KCNQ1: variants seen among roughly 807,000 people sequenced by gnomAD.
KCNQ1 encodes potassium voltage-gated channel subfamily Q member 1.
In KCNQ1, 49 loss-of-function variants were observed where a neutral mutation model predicts 72.4. The observed-to-expected ratio is 0.68, with a 90% CI of 0.54 to 0.86. The LOEUF is 0.86. Among genes scored for constraint, KCNQ1 ranks in the 40% least tolerant of loss-of-function variants. KCNQ1 has a pLI of 0.00. For synonymous variants in KCNQ1, 450 were observed against 412.6 expected (o/e 1.09, Z -1.10); for missense variants, 790 against 945.1 (o/e 0.84, Z 2.15).
At position 2,712,953 on chromosome 11, in the gene KCNQ1, T is replaced by C. The variant is rs1182969724; in HGVS notation, c.1514+50872T>C. Among the ~76,000 whole-genome samples, 1 of 152,024 alleles carries C rather than the reference T, an allele frequency of 6.6e-6. No individual in the cohort carries two copies. Among genetic ancestry groups the C allele is most frequent in the African/African-American group, 2.4e-5 (1 of 41,386 alleles). ...AGCTCCCTGGAAGACACCCGGGTTGTAAACAGGGTGGGGCAGGGGTCCTGG... is the reference window on the plus strand; with the variant it reads ...AGCTCCCTGGAAGACACCCGGGTTGCAAACAGGGTGGGGCAGGGGTCCTGG... On this transcript the variant is annotated intron_variant, in intron 11 of 15. Coordinates refer to ENST00000155840, the MANE Select transcript of KCNQ1 (RefSeq NM_000218.3). The surrounding 1 kb of genome is among the most constrained non-coding windows in gnomAD (Gnocchi z 6.4).
intron 4 of KCNQ1, among the ~76,000 whole-genome samples, chr11:2,571,655 C>A (rs1483737247): frequency 2.0e-5 from 3 of 152,118 alleles, no homozygotes; most frequent in South Asian, 2.1e-4. Context: ...CGCCTCTGAA[C>A]TTCCAGGACT....
chr11:2,728,836 A>T (rs959365632), intron 11 of KCNQ1, among the ~76,000 whole-genome samples: 2 of 152,320 alleles, frequency 1.3e-5, no homozygotes, highest in East Asian at 1.9e-4. Flanking sequence ...GCCGCAGTGG[A>T]TGCTGCTGAA....
At chr11:2,560,098 C>T (rs1015272073) in intron 2 of KCNQ1, among the ~76,000 whole-genome samples, 2 of 121,088 alleles carry the variant, frequency 1.7e-5, no homozygotes, top group African/African-American at 3.3e-5. Context: ...GGGGCCGTGA[C>T]ATCCGGTCAG....
chr11:2,717,736 G>A (rs777804056), intron 11 of KCNQ1, among the ~76,000 whole-genome samples: 2 of 152,304 alleles, frequency 1.3e-5, no homozygotes, highest in East Asian at 1.9e-4. Flanking sequence ...AGGAGGTGCC[G>A]CAGGGCAGCA....
rs1849603150 is a variant in KCNQ1, at chr11:2,642,973, C to T, written c.1394-18988C>T. 2 of 397,656 alleles carry T rather than the reference C, an allele frequency of 5.0e-6. No homozygotes were observed. Among genetic ancestry groups the T allele is most frequent in the Non-Finnish European group, 8.9e-6 (2 of 225,640 alleles). The allele number at this position is 397,656 out of a possible 1,614,324, so 24.6% of individuals were successfully genotyped here. On this transcript the variant is annotated intron_variant, in intron 10 of 15. Coordinates refer to ENST00000155840, the MANE Select transcript of KCNQ1 (RefSeq NM_000218.3). The surrounding 1 kb of genome is among the most constrained non-coding windows in gnomAD (Gnocchi z 4.3). ...CCATTTATTTATACAGTTTTGAATG[C>T]TCCTCTTATTTATTTATAGTTTTAT...
At chr11:2,763,046 A>T (rs563676359) in intron 11 of KCNQ1, among the ~76,000 whole-genome samples, 6 of 152,194 alleles carry the variant, frequency 3.9e-5, no homozygotes, top group Non-Finnish European at 8.8e-5. Flanking sequence ...TTTTAGAATC[A>T]CCTTGTCGGT....
intron 11 of KCNQ1, among the ~76,000 whole-genome samples, chr11:2,701,548 G>A (rs1276940486): frequency 6.6e-6 from 1 of 152,150 alleles, no homozygotes; most frequent in African/African-American, 2.4e-5. Context: ...CCAGACTCAG[G>A]GTTTCACGCT....
Position 2,683,413 on chromosome 11 carries a change from C to A in KCNQ1, c.1514+21332C>A, listed in dbSNP as rs902322193. 5.0e-6 allele frequency: 2 copies of A among 398,524 alleles called. No individual in the cohort carries two copies. Among genetic ancestry groups the A allele is most frequent in the African/African-American group, 2.1e-5 (1 of 48,642 alleles). The allele number at this position is 398,524 out of a possible 1,614,324, so 24.7% of individuals were successfully genotyped here. ...CTGGGTGGTTTGTCCAATGGCTAAG[C>A]TTTCCCCAGGAATGGGTAACTGGAA... On this transcript the variant is annotated intron_variant, in intron 11 of 15. Coordinates refer to ENST00000155840, the MANE Select transcript of KCNQ1 (RefSeq NM_000218.3). The surrounding 1 kb of genome is among the most constrained non-coding windows in gnomAD (Gnocchi z 4.7).
chr11:2,628,000 C>T lies in KCNQ1; in HGVS notation c.1394-33961C>T, dbSNP rs1219205424. ...CTCCTGTGTTCAAGCTATCCTTCAC[C>T]TTGGCCACCCCCAAGTACTGGGATT... On this transcript the variant is annotated intron_variant, in intron 10 of 15. Coordinates refer to ENST00000155840, the MANE Select transcript of KCNQ1 (RefSeq NM_000218.3). The surrounding 1 kb of genome is among the most constrained non-coding windows in gnomAD (Gnocchi z 4.9). 1.5e-5 allele frequency: 6 copies of T among 398,520 alleles called. No individual in the cohort carries two copies. The East Asian group carries it at 2.1e-4, about 14-fold the overall frequency. The allele number at this position is 398,520 out of a possible 1,614,324, so 24.7% of individuals were successfully genotyped here.
chr11:2,527,855 C>A (rs886447885), intron 1 of KCNQ1, 73 bp from the exon 2 acceptor site: 3 of 1,381,272 alleles, frequency 2.2e-6, no homozygotes, highest in African/African-American at 2.9e-5. Flanking sequence ...GGCCAGGGGC[C>A]CCTCCACTCC....
intron 11 of KCNQ1, among the ~76,000 whole-genome samples, chr11:2,760,466 G>A (rs760465695): frequency 1.3e-5 from 2 of 152,188 alleles, no homozygotes; most frequent in Non-Finnish European, 2.9e-5. Context: ...TGAATGAAGC[G>A]GGTCTTTTCT....
rs140229398 is a variant in KCNQ1, at chr11:2,486,319, C to G, written c.386+40835C>G. ...TTCTTTGGAGAATATCTCCTCAGCT[C>G]TTTTGCCCACTTCATTAAATTGAGA... On this transcript the variant is annotated intron_variant, in intron 1 of 15. Transcript: ENST00000155840. This position sits in a 1 kb window ranked among gnomAD's most constrained non-coding sequence, Gnocchi z 5.0. 1.3e-5 allele frequency among the ~76,000 whole-genome samples: 2 copies of G among 152,288 alleles called. No homozygotes were observed. Among genetic ancestry groups the G allele is most frequent in the African/African-American group, 4.8e-5 (2 of 41,562 alleles).
rs904548869 is a variant in KCNQ1 at position 2,647,847 on chromosome 11, T to C, written c.1394-14114T>C. On this transcript the variant is annotated intron_variant, in intron 10 of 15. Coordinates refer to ENST00000155840, the MANE Select transcript of KCNQ1 (RefSeq NM_000218.3). This position sits in a 1 kb window ranked among gnomAD's most constrained non-coding sequence, Gnocchi z 4.0. Reference sequence around the variant, plus strand: ...TGGTGTCCATTGTAAGTCTCCTTTTTCATTTCTGATTTTATTTATTGGGTC... The same window carrying C: ...TGGTGTCCATTGTAAGTCTCCTTTTCCATTTCTGATTTTATTTATTGGGTC... 5 of 398,472 alleles carry C rather than the reference T, an allele frequency of 1.3e-5. No homozygotes were observed. The highest frequency in any genetic ancestry group is 3.6e-5 in the East Asian group (1 of 28,096). 24.7% of individuals were successfully genotyped at this position (398,472 alleles called of 1,614,324 possible). A position where few individuals can be genotyped will look rare whatever the true frequency, so the allele number is the denominator to read the frequency against.
Position 2,622,261 on chromosome 11 carries a change from C to T in KCNQ1, c.1393+33407C>T, listed in dbSNP as rs1272275459. ...TTTGGTGTGTATACGTTTCCAATTGCGAAGTCTTGAGTAATTTTCCATTTT... is the reference window on the plus strand; with the variant it reads ...TTTGGTGTGTATACGTTTCCAATTGTGAAGTCTTGAGTAATTTTCCATTTT... On this transcript the variant is annotated intron_variant, in intron 10 of 15. Transcript: ENST00000155840. 21 of 398,160 alleles carry T rather than the reference C, an allele frequency of 5.3e-5. No individual in the cohort carries two copies. The Middle Eastern group carries it at 2.5e-3, about 47-fold the overall frequency. 24.7% of individuals were successfully genotyped at this position (398,160 alleles called of 1,614,324 possible).
At position 2,703,036 on chromosome 11, in the gene KCNQ1, A is replaced by G. The variant is rs994584990; in HGVS notation, c.1514+40955A>G. On this transcript the variant is annotated intron_variant, in intron 11 of 15. Coordinates refer to ENST00000155840, the MANE Select transcript of KCNQ1 (RefSeq NM_000218.3). This position sits in a 1 kb window ranked among gnomAD's most constrained non-coding sequence, Gnocchi z 6.4. ...GAGGGGTTTGTTGTCTCGTCGGGCG[A>G]CAAGAGACACGTGGGAATTGGCTAG... 2.0e-5 allele frequency among the ~76,000 whole-genome samples: 3 copies of G among 152,096 alleles called. No homozygotes were observed. Among genetic ancestry groups the G allele is most frequent in the Non-Finnish European group, 4.4e-5 (3 of 68,032 alleles).
rs182967998 is a variant in KCNQ1, at chr11:2,772,135, C to T, written c.1590+3216C>T. On this transcript the variant is annotated intron_variant, in intron 12 of 15. Coordinates refer to ENST00000155840, the MANE Select transcript of KCNQ1 (RefSeq NM_000218.3). This position sits in a 1 kb window ranked among gnomAD's most constrained non-coding sequence, Gnocchi z 6.6. ...GGCCAGGGTGAGGGGAGCAGTAGCC[C>T]GTGGCAGTGAGGAGCTGTGTGTGGC... is the stretch of plus-strand genomic sequence containing the variant. Among the ~76,000 whole-genome samples the T allele has an allele frequency of 6.6e-6, 1 of 152,088 alleles. No homozygotes were observed. Among genetic ancestry groups the T allele is most frequent in the Non-Finnish European group, 1.5e-5 (1 of 67,992 alleles).
rs536371042 is a variant in KCNQ1, at chr11:2,790,232, G to A, written c.1794+12195G>A. Among the ~76,000 whole-genome samples the A allele has an allele frequency of 4.1e-3, 628 of 152,214 alleles. 5 individuals are homozygous for A. The highest frequency in any genetic ancestry group is 0.014 in the African/African-American group (584 of 41,508). On this transcript the variant is annotated intron_variant, in intron 15 of 15. Coordinates refer to ENST00000155840, the MANE Select transcript of KCNQ1 (RefSeq NM_000218.3). Reference sequence around the variant, plus strand: ...GAGAAGCCTGTCTGATGTGGCTCCCGTCCTCCTCTGCTGGGGTTGTCTACA... The same window carrying A: ...GAGAAGCCTGTCTGATGTGGCTCCCATCCTCCTCTGCTGGGGTTGTCTACA...
At position 2,447,297 on chromosome 11, in the gene KCNQ1, C is replaced by T. The variant is rs1456126521; in HGVS notation, c.386+1813C>T. Reference sequence around the variant, plus strand: ...CAGGGGTGGCTTCTGGGGACAGGGGCAGGATGGCTTCTGTGAAGGGGTGGC... The same window carrying T: ...CAGGGGTGGCTTCTGGGGACAGGGGTAGGATGGCTTCTGTGAAGGGGTGGC... On this transcript the variant is annotated intron_variant, in intron 1 of 15. Transcript: ENST00000155840. This position sits in a 1 kb window ranked among gnomAD's most constrained non-coding sequence, Gnocchi z 7.6. Among the ~76,000 whole-genome samples, 1 of 152,094 alleles carries T rather than the reference C, an allele frequency of 6.6e-6. No homozygotes were observed. Among genetic ancestry groups the T allele is most frequent in the Non-Finnish European group, 1.5e-5 (1 of 67,990 alleles).
intron 5 of KCNQ1, among the ~76,000 whole-genome samples, chr11:2,572,450 G>A (rs980084181): frequency 4.6e-5 from 7 of 152,334 alleles, no homozygotes; most frequent in Non-Finnish European, 8.8e-5. Flanking sequence ...ACTCCCTCCC[G>A]AGGGCTGCAC....
Sources: gnomAD v4.1 joint callset for allele counts (sites outside exome capture counted in the v4.1 genomes callset) on GRCh38, gnomAD v4.1.1 for gene constraint, Gnocchi (gnomAD v3.1) non-coding constraint, MANE v1.5 for transcripts, NCBI Gene and HGNC (gene_info 2026-07-23, HGNC 2026-07-21) for gene names.